SCARA5: variants seen among roughly 807,000 people sequenced by gnomAD.
SCARA5 encodes the protein scavenger receptor class A member 5, also known as scavenger receptor class A, member 5 (putative).
SCARA5 carries 45 observed loss-of-function variants against 46.3 expected under a neutral mutation model. That is an observed-to-expected ratio of 0.97 (90% CI 0.76 to 1.24). SCARA5 has a LOEUF of 1.24. Among genes scored for constraint, SCARA5 ranks in the 50% most tolerant of loss-of-function variants. SCARA5 has a pLI of 0.00. For synonymous variants in SCARA5, 333 were observed against 306.5 expected, an observed-to-expected ratio of 1.09 and a Z score of -0.90; for missense variants, 680 against 689.0, an observed-to-expected ratio of 0.99 and a Z score of 0.15.
chr8:27,896,221 A>G (rs1807062067), intron 7 of SCARA5, among the ~76,000 whole-genome samples: 1 of 152,190 alleles, frequency 6.6e-6, no homozygotes, highest in Admixed American at 6.5e-5. Flanking sequence ...TCCTTGCTGT[A>G]CACCCTGTGG....
intron 3 of SCARA5, among the ~76,000 whole-genome samples, chr8:27,946,780 G>A (rs1195553005): frequency 6.6e-6 from 1 of 152,288 alleles, no homozygotes; most frequent in African/African-American, 2.4e-5. Flanking sequence ...TCATCCCAGT[G>A]AGTGGAATGC....
At chr8:27,911,488 T>G (rs1452050978) in intron 4 of SCARA5, among the ~76,000 whole-genome samples, 1 of 152,178 alleles carries the variant, frequency 6.6e-6, no homozygotes, top group Non-Finnish European at 1.5e-5. Flanking sequence ...GGTCAGGAGT[T>G]CGAGGCCGGC....
chr8:27,889,867 A>G (rs1296734710), intron 7 of SCARA5, among the ~76,000 whole-genome samples: 3 of 152,224 alleles, frequency 2.0e-5, no homozygotes, highest in African/African-American at 7.2e-5. Flanking sequence ...GAAAGTGATA[A>G]TATTTGTTGA....
Position 27,872,136 on chromosome 8 carries a change from A to C in SCARA5, c.1352-66T>G, listed in dbSNP as rs1344427128. ...GAGGGCGAGAAGGAGAAGAGAGAGC[A>C]TAACTGTGCCTGCCCTTGACTTGGC... On this transcript the variant is annotated intron_variant, in intron 8 of 8. Coordinates refer to ENST00000354914, the MANE Select transcript of SCARA5 (RefSeq NM_173833.6). 11 of 1,567,742 alleles carry C rather than the reference A, an allele frequency of 7.0e-6. No homozygotes were observed. In the African/African-American group the frequency reaches 1.3e-4, roughly 19 times the overall value.
At chr8:27,922,509 TG>T (rs1310463670) in intron 3 of SCARA5, among the ~76,000 whole-genome samples, 4 of 152,238 alleles carry the variant, frequency 2.6e-5, no homozygotes, top group Admixed American at 6.5e-5. Flanking sequence ...CGGTGTTACC[TG>T]GGCTTTGGAA....
At chr8:27,897,553 AG>A (rs1266930480) in intron 7 of SCARA5, among the ~76,000 whole-genome samples, 1 of 152,246 alleles carries the variant, frequency 6.6e-6, no homozygotes, top group East Asian at 1.9e-4. Flanking sequence ...GTTTTCTTGC[AG>A]GGCAAACCCC....
chr8:27,909,607 G>A lies in SCARA5; in HGVS notation c.997+56C>T, dbSNP rs77172522. 3,695 of 1,209,410 alleles carry A rather than the reference G, an allele frequency of 3.1e-3. 76 individuals carry two copies. The African/African-American group carries it at 0.046, about 15-fold the overall frequency. The allele number at this position is 1,209,410 out of a possible 1,614,324, so 74.9% of individuals were successfully genotyped here. On this transcript the variant is annotated intron_variant, in intron 5 of 8. Coordinates refer to ENST00000354914, the MANE Select transcript of SCARA5 (RefSeq NM_173833.6). ...GCATTTATACCATCAAGAAAGTAGC[G>A]GGTAGAGATGGATTGGGGATCTCTC...
rs1477025371 is a variant in SCARA5 at position 27,870,272 on chromosome 8, T to C, written c.*1662A>G. 6.6e-6 allele frequency: 1 copy of C among 151,210 alleles called. No individual in the cohort carries two copies. Among genetic ancestry groups the C allele is most frequent in the East Asian group, 2.0e-4 (1 of 5,128 alleles). The allele number at this position is 151,210 out of a possible 1,614,324, so 9.4% of individuals were successfully genotyped here. ...AAACCTTGCAATGTGCTGAGCTATG[T>C]AGTAAAAAGTGCTATGTTTATATAT... is the stretch of plus-strand genomic sequence containing the variant. On this transcript the variant is annotated 3_prime_UTR_variant, in exon 9 of 9. Coordinates refer to ENST00000354914, the MANE Select transcript of SCARA5 (RefSeq NM_173833.6).
intron 7 of SCARA5, chr8:27,904,416 C>T: frequency 4.5e-6 from 2 of 442,922 alleles, no homozygotes; most frequent in Non-Finnish European, 8.0e-6. Context: ...CACAGATTAA[C>T]TCATTCAATT....
intron 7 of SCARA5, among the ~76,000 whole-genome samples, chr8:27,887,688 A>G (rs1879678): frequency 0.11 from 16,010 of 152,204 alleles, 1,049 homozygotes; most frequent in East Asian, 0.23. Flanking sequence ...ATCTCTGTTC[A>G]TCTTTTCCCT....
At position 27,890,402 on chromosome 8, in the gene SCARA5, A is replaced by G. The variant is rs924598704; in HGVS notation, c.1154-10636T>C. On this transcript the variant is annotated intron_variant, in intron 7 of 8. Coordinates refer to ENST00000354914, the MANE Select transcript of SCARA5 (RefSeq NM_173833.6). The stretch of plus-strand genomic sequence containing the variant: ...AGGTGGCACTGCTCTCCATCTGTGA[A>G]GGTTACAAGCACATATACTATTTTC... 1.8e-4 allele frequency among the ~76,000 whole-genome samples: 27 copies of G among 152,338 alleles called. No individual in the cohort carries two copies. The East Asian group carries it at 5.2e-3, about 29-fold the overall frequency.
At chr8:27,985,874 A>G (rs1489369090) in intron 2 of SCARA5, among the ~76,000 whole-genome samples, 1 of 152,236 alleles carries the variant, frequency 6.6e-6, no homozygotes. Flanking sequence ...CGCAGTGGCT[A>G]GGGTTGCTGT....
At chr8:27,979,695 A>C (rs1289147615) in intron 2 of SCARA5, among the ~76,000 whole-genome samples, 1 of 152,050 alleles carries the variant, frequency 6.6e-6, no homozygotes, top group African/African-American at 2.4e-5. Context: ...CTGGGATTAC[A>C]GGCACACACC....
chr8:27,871,952 C>T lies in SCARA5; in HGVS notation c.1470G>A (p.Val490=). Residue 490 remains valine, a synonymous_variant, in exon 9 of 9, where the codon GTG becomes GTA. Transcript: ENST00000354914. ...TNCGHAEDAS[V]TCNRH ...CCCACTTTCAGTGTCTGTTGCATGT[C>T]ACGCTGGCATCTTCGGCATGTCCAC... The T allele has an allele frequency of 6.2e-7, 1 of 1,614,238 alleles. No homozygotes were observed. Among genetic ancestry groups the T allele is most frequent in the Non-Finnish European group, 8.5e-7 (1 of 1,180,052 alleles).
chr8:27,931,998 C>T (rs1295998142), intron 3 of SCARA5, among the ~76,000 whole-genome samples: 2 of 151,410 alleles, frequency 1.3e-5, no homozygotes, highest in South Asian at 2.1e-4. Context: ...TTTTATTTTA[C>T]GATGGACTCT....
intron 3 of SCARA5, among the ~76,000 whole-genome samples, chr8:27,959,394 T>C (rs1808259495): frequency 6.6e-6 from 1 of 152,200 alleles, no homozygotes; most frequent in South Asian, 2.1e-4. Flanking sequence ...ATGGCTATTC[T>C]GTTGAGACAT....
chr8:27,878,403 T>C (rs985918647), intron 8 of SCARA5, among the ~76,000 whole-genome samples: 2 of 152,150 alleles, frequency 1.3e-5, no homozygotes, highest in Non-Finnish European at 2.9e-5. Context: ...TGTGGGACCA[T>C]TGTTTTAGTT....
intron 3 of SCARA5, among the ~76,000 whole-genome samples, chr8:27,963,820 G>A (rs1478566829): frequency 6.6e-6 from 1 of 152,172 alleles, no homozygotes; most frequent in South Asian, 2.1e-4. Flanking sequence ...CCGAGATGTT[G>A]CTAATCCCAT....
intron 3 of SCARA5, among the ~76,000 whole-genome samples, chr8:27,939,211 C>T (rs1422347293): frequency 6.6e-6 from 1 of 152,176 alleles, no homozygotes; most frequent in Non-Finnish European, 1.5e-5. Flanking sequence ...ATGACAGGGA[C>T]TTTTTGCACT....
Sources: allele counts gnomAD v4.1 joint callset (sites outside exome capture counted in the v4.1 genomes callset), GRCh38; gene constraint gnomAD v4.1.1; transcripts MANE v1.5; gene names NCBI Gene and HGNC (gene_info 2026-07-23, HGNC 2026-07-21).